Variants in ADGRL3 observed in about 807,000 individuals in gnomAD.
ADGRL3 encodes the protein calcium-independent alpha-latrotoxin receptor 3.
Under a neutral mutation model 153.5 loss-of-function variants are expected in ADGRL3, and 62 were observed. The ratio of observed to expected loss-of-function variants is 0.40; its 90% CI spans 0.33 to 0.50. The LOEUF (loss-of-function observed/expected upper bound fraction) is 0.50. Ranked by LOEUF, ADGRL3 falls within the 20% of genes least tolerant of loss-of-function variation. The pLI, the probability that ADGRL3 is intolerant of heterozygous loss-of-function variation, is 0.47. For missense variants in ADGRL3, 1,641 were observed against 1,859.4 expected (o/e 0.88, Z 2.16); for synonymous variants, 710 against 672.5 (o/e 1.06, Z -0.86).
intron 5 of ADGRL3, among the ~76,000 whole-genome samples, chr4:61,630,291 G>A (rs1337938850): frequency 6.6e-6 from 1 of 152,088 alleles, no homozygotes. Context: ...CACTACTGAT[G>A]TTATTAAAAT....
chr4:61,478,703 G>A (rs1362357705), intron 2 of ADGRL3, among the ~76,000 whole-genome samples: 1 of 151,974 alleles, frequency 6.6e-6, no homozygotes, highest in Non-Finnish European at 1.5e-5. Context: ...TCTGGATAAT[G>A]ATGTTTTGCC....
chr4:61,704,501 C>A (rs186107160), intron 6 of ADGRL3, among the ~76,000 whole-genome samples: 64 of 152,276 alleles, frequency 4.2e-4, no homozygotes, highest in African/African-American at 1.5e-3. Flanking sequence ...TAGTCCTAAT[C>A]TTTTTGCTGG....
At chr4:61,815,147 G>A (rs887917336) in intron 9 of ADGRL3, among the ~76,000 whole-genome samples, 2 of 152,076 alleles carry the variant, frequency 1.3e-5, no homozygotes, top group Admixed American at 1.3e-4. Flanking sequence ...AGAAAAATGA[G>A]ATAAAACATA....
At chr4:61,454,953 G>T (rs1434066317) in intron 2 of ADGRL3, among the ~76,000 whole-genome samples, 1 of 152,018 alleles carries the variant, frequency 6.6e-6, no homozygotes, top group East Asian at 1.9e-4. Context: ...AGTGACAATG[G>T]TGTTAACAGA....
chr4:61,892,280 A>G (rs1317117399), intron 9 of ADGRL3, among the ~76,000 whole-genome samples: 2 of 151,022 alleles, frequency 1.3e-5, no homozygotes, highest in Admixed American at 6.6e-5. Flanking sequence ...TCTCCCTTCT[A>G]TACAAAGTTT....
intron 17 of ADGRL3, among the ~76,000 whole-genome samples, chr4:61,974,234 G>T (rs937776664): frequency 1.3e-5 from 2 of 152,148 alleles, no homozygotes; most frequent in Admixed American, 6.6e-5. Context: ...CTCCCAAAGC[G>T]CTGGGATTAT....
At chr4:61,521,569 A>G (rs1480997181) in intron 4 of ADGRL3, among the ~76,000 whole-genome samples, 1 of 152,176 alleles carries the variant, frequency 6.6e-6, no homozygotes, top group Non-Finnish European at 1.5e-5. Flanking sequence ...CAGATAGATA[A>G]GAAATAGACG....
chr4:61,423,115 A>T (rs112691543), intron 2 of ADGRL3, among the ~76,000 whole-genome samples: 48 of 152,176 alleles, frequency 3.2e-4, no homozygotes, highest in Non-Finnish European at 6.2e-4. Flanking sequence ...AGGTAAAATT[A>T]TATAGCTTAT....
Position 61,587,400 on chromosome 4 carries a change from C to G in ADGRL3, c.433C>G (p.Arg145Gly), listed in dbSNP as rs1240989755. Residue 145 changes from arginine (R) to glycine (G), a missense_variant, in exon 5 of 27, where the codon CGA (arginine) becomes GGA (glycine). This residue lies in a region of ADGRL3 where 213 missense variants were observed against 362.1 expected (regional missense o/e 0.59). Coordinates refer to ENST00000683033, the MANE Select transcript of ADGRL3 (RefSeq NM_001387552.1). ...TGACCCTGCTCAGATGGAGAATATC[C>G]GATGTTATCTGCCAGATGCCTATAA... ...DSDPAQMENI[R>G]CYLPDAYKIM... 2 of 1,612,282 alleles carry G rather than the reference C, an allele frequency of 1.2e-6. No individual in the cohort carries two copies.
intron 8 of ADGRL3, among the ~76,000 whole-genome samples, chr4:61,787,973 T>A (rs898698264): frequency 6.6e-6 from 1 of 152,186 alleles, no homozygotes; most frequent in African/African-American, 2.4e-5. Context: ...AGAATGCTAC[T>A]GCAAAACCAA....
chr4:61,896,073 T>C (rs944741501), intron 11 of ADGRL3, among the ~76,000 whole-genome samples: 1 of 152,122 alleles, frequency 6.6e-6, no homozygotes, highest in African/African-American at 2.4e-5. Context: ...AAAATTTCTC[T>C]GGTATTGTGC....
chr4:62,070,508 C>G lies in ADGRL3; in HGVS notation c.4232C>G (p.Thr1411Ser). The change falls in exon 27 of 27, where the codon ACC becomes AGC. Residue 1411 changes from threonine to serine, a missense_variant. Thr to Ser is a moderately conservative substitution (Grantham distance 58). Around this residue, in one of 5 missense-constraint regions of ADGRL3, gnomAD observed 517 missense variants for 555.0 expected, o/e 0.93. Transcript: ENST00000683033. The stretch of plus-strand genomic sequence containing the variant: ...TTGCTGCCCCCAAGAGTATACTCCA[C>G]CGAGAACCACCAGCCACACCATTAT... ...APLLPPRVYS[T>S]ENHQPHHYTR... The G allele has an allele frequency of 6.4e-7, 1 of 1,551,274 alleles. No homozygotes were observed. Among genetic ancestry groups the G allele is most frequent in the African/African-American group, 1.4e-5 (1 of 72,998 alleles).
At chr4:61,353,577 C>CGTGG (rs1045705364) in intron 1 of ADGRL3, among the ~76,000 whole-genome samples, 1 of 150,194 alleles carries the variant, frequency 6.7e-6, no homozygotes, top group African/African-American at 2.4e-5. Context: ...TGTACCACCA[C>CGTGG]ACCTGGCTAA....
intron 13 of ADGRL3, among the ~76,000 whole-genome samples, chr4:61,916,984 T>C (rs1425095135): frequency 1.3e-5 from 2 of 152,056 alleles, no homozygotes; most frequent in Non-Finnish European, 2.9e-5. Flanking sequence ...ATAAATTTAT[T>C]TATTAGGCAT....
chr4:61,487,478 A>G (rs2098209477), intron 2 of ADGRL3, among the ~76,000 whole-genome samples: 2 of 151,926 alleles, frequency 1.3e-5, no homozygotes, highest in Non-Finnish European at 1.5e-5. Context: ...GAAGATGATT[A>G]TTTTTCTTGG....
At chr4:62,028,954 C>T (rs1720441271) in intron 22 of ADGRL3, 73 bp downstream of exon 22, 1 of 1,330,130 alleles carries the variant, frequency 7.5e-7, no homozygotes, top group East Asian at 2.4e-5. Context: ...CAGATCAGTA[C>T]TGAAAAATCA....
rs112822655 is a variant in ADGRL3 at position 61,947,047 on chromosome 4, G to C, written c.2553G>C (p.Thr851=). The change falls in exon 16 of 27, where the codon ACG becomes ACC. Residue 851 remains threonine (T), a synonymous_variant. Coordinates refer to ENST00000683033, the MANE Select transcript of ADGRL3 (RefSeq NM_001387552.1). ...HSVIVNSPVI[T]AAINKEFSNK... is the part of the protein sequence containing the mutation. The stretch of plus-strand genomic sequence containing the variant: ...TTATTGTCAATTCCCCTGTTATTAC[G>C]GCAGCAATAAACAAAGAGTTCAGTA... The C allele has an allele frequency of 6.2e-7, 1 of 1,613,644 alleles. No homozygotes were observed. The highest frequency in any genetic ancestry group is 1.7e-5 in the Admixed American group (1 of 59,994).
At chr4:61,877,707 G>A (rs1489354373) in intron 9 of ADGRL3, among the ~76,000 whole-genome samples, 1 of 152,098 alleles carries the variant, frequency 6.6e-6, no homozygotes, top group East Asian at 1.9e-4. Flanking sequence ...TCTCTCCTTG[G>A]TTTGTAGATG....
chr4:61,314,213 T>G (rs2095120984), intron 1 of ADGRL3, among the ~76,000 whole-genome samples: 1 of 152,016 alleles, frequency 6.6e-6, no homozygotes, highest in Admixed American at 6.6e-5. Context: ...TTGAAGTTTT[T>G]TTTTTTTTTT....
Sources: allele counts gnomAD v4.1 joint callset (sites outside exome capture counted in the v4.1 genomes callset), GRCh38; gene constraint gnomAD v4.1.1; regional missense constraint gnomAD v4.1.1; transcripts MANE v1.5; gene names NCBI Gene and HGNC (gene_info 2026-07-23, HGNC 2026-07-21).